The following NCOA2 variants were observed in gnomAD, a reference collection of about 807,000 sequenced individuals.
NCOA2 encodes the protein nuclear receptor coactivator 2, also known as class E basic helix-loop-helix protein 75.
In NCOA2, 21 loss-of-function variants were observed where a neutral mutation model predicts 145.1. The observed-to-expected ratio is 0.14, with a 90% confidence interval of 0.10 to 0.21. NCOA2 has a LOEUF of 0.21. Among genes scored for constraint, NCOA2 ranks in the 10% least tolerant of loss-of-function variants. The probability of loss-of-function intolerance (pLI) is 1.00; values close to 1 mark genes in which losing one functional copy is unlikely to be tolerated. For missense variants in NCOA2, 1,472 were observed against 1,837.6 expected, an observed-to-expected ratio of 0.80 and a Z score of 3.64; for synonymous variants, 619 against 637.5, an observed-to-expected ratio of 0.97 and a Z score of 0.44.
chr8:70,352,914 T>C (rs1809366812), intron 1 of NCOA2, among the ~76,000 whole-genome samples: 2 of 152,122 alleles, frequency 1.3e-5, no homozygotes, highest in Non-Finnish European at 2.9e-5. Flanking sequence ...TGGCAGCAGA[T>C]AACACCCATA....
At chr8:70,240,386 G>A (rs1822021032) in intron 2 of NCOA2, among the ~76,000 whole-genome samples, 1 of 152,132 alleles carries the variant, frequency 6.6e-6, no homozygotes, top group Admixed American at 6.5e-5. Flanking sequence ...ATTATTATCT[G>A]AAACACTTGG....
chr8:70,207,259 G>A (rs977897918), intron 4 of NCOA2, among the ~76,000 whole-genome samples: 3 of 152,164 alleles, frequency 2.0e-5, no homozygotes, highest in Admixed American at 6.5e-5. Context: ...AAGAAAACAA[G>A]GGATGTCTAC....
intron 2 of NCOA2, among the ~76,000 whole-genome samples, chr8:70,272,438 T>C (rs1825122312): frequency 6.6e-6 from 1 of 152,244 alleles, no homozygotes; most frequent in Admixed American, 6.5e-5. Context: ...AATTCTTCTG[T>C]GTCATGTTTC....
At chr8:70,261,787 T>C (rs978345213) in intron 2 of NCOA2, among the ~76,000 whole-genome samples, 1 of 152,042 alleles carries the variant, frequency 6.6e-6, no homozygotes, top group Non-Finnish European at 1.5e-5. Flanking sequence ...TAGGTGATAG[T>C]AAAGATAAAA....
chr8:70,215,412 A>G (rs1324671523), intron 3 of NCOA2, among the ~76,000 whole-genome samples: 1 of 152,172 alleles, frequency 6.6e-6, no homozygotes, highest in African/African-American at 2.4e-5. Flanking sequence ...AGGGCTCCTG[A>G]CTATTAAAGG....
intron 4 of NCOA2, among the ~76,000 whole-genome samples, chr8:70,203,261 C>CA (rs34990647): frequency 0.096 from 11,714 of 121,922 alleles, 857 homozygotes; most frequent in Middle Eastern, 0.15. Flanking sequence ...GACTCTGTCT[C>CA]AAAAAAAAAA....
intron 22 of NCOA2, among the ~76,000 whole-genome samples, chr8:70,114,793 A>T (rs1806899276): frequency 6.6e-6 from 1 of 152,244 alleles, no homozygotes; most frequent in South Asian, 2.1e-4. Flanking sequence ...AAGTAAGATT[A>T]GAGAGGAAGC....
In NCOA2 at chr8:70,128,799, C is replaced by T. The variant is rs757059586; in HGVS notation, c.3506G>A (p.Arg1169His). 6.8e-6 allele frequency: 11 copies of T among 1,613,914 alleles called. No homozygotes were observed. The highest frequency in any genetic ancestry group is 6.7e-5 in the Admixed American group (4 of 60,002). The change falls in exon 17 of 23, where the codon CGT becomes CAT. Residue 1169 changes from arginine to histidine, a missense_variant. Arg to His is a conservative substitution (Grantham distance 29). Transcript: ENST00000452400. ...CCTGAGGCCCGGTCTGGGCTGCATA[C>T]GGAGTGTGGCATAACTAGGCCGCTG... ...MGQRPSYATLRMQPRPGLRPT... is the reference protein window; with the variant it reads ...MGQRPSYATLHMQPRPGLRPT...
At position 70,141,327 on chromosome 8, in the gene NCOA2, C is replaced by T; in HGVS notation, c.2885G>A (p.Arg962Lys). Residue 962 changes from arginine (R) to lysine (K), a missense_variant, in exon 14 of 23, where the codon AGA becomes AAA. Around this residue, in one of 4 missense-constraint regions of NCOA2, gnomAD observed 953 missense variants for 1,062.1 expected, o/e 0.90. Transcript: ENST00000452400. ...GEWAPQSSAV[R>K]VTCAATTSAM... is the part of the protein sequence containing the mutation. ...ACTGGTGGTAGCAGCACAGGTGACT[C>T]TCACAGCCGAACTCTGCGGTGCCCA... 1 of 1,613,952 alleles carries T rather than the reference C, an allele frequency of 6.2e-7. No homozygotes were observed. Among genetic ancestry groups the T allele is most frequent in the Non-Finnish European group, 8.5e-7 (1 of 1,179,884 alleles).
intron 1 of NCOA2, among the ~76,000 whole-genome samples, chr8:70,307,460 T>A (rs887559565): frequency 6.6e-6 from 1 of 152,172 alleles, no homozygotes; most frequent in Non-Finnish European, 1.5e-5. Flanking sequence ...TAAATGTCCA[T>A]AAAACATCCA....
chr8:70,188,203 T>C (rs952980369), intron 4 of NCOA2, among the ~76,000 whole-genome samples: 14 of 152,252 alleles, frequency 9.2e-5, no homozygotes, highest in Non-Finnish European at 1.9e-4. Flanking sequence ...TCAAATAAAC[T>C]GAATACTGTC....
the NCOA2 span, among the ~76,000 whole-genome samples, chr8:70,429,398 C>T: frequency 6.6e-6 from 1 of 152,228 alleles, no homozygotes; most frequent in Non-Finnish European, 1.5e-5. Context: ...TACAATAAAG[C>T]AGGAGTGCTG....
the NCOA2 span, among the ~76,000 whole-genome samples, chr8:70,453,131 G>A: frequency 5.8e-4 from 89 of 152,304 alleles, no homozygotes; most frequent in African/African-American, 2.1e-3. Flanking sequence ...GAGCCTATTC[G>A]CCTAATGTTA....
the NCOA2 span, among the ~76,000 whole-genome samples, chr8:70,414,834 T>C: frequency 6.6e-6 from 1 of 152,204 alleles, no homozygotes; most frequent in Non-Finnish European, 1.5e-5. Context: ...AAAAAGCCTT[T>C]TGACACAACT....
intron 2 of NCOA2, among the ~76,000 whole-genome samples, chr8:70,258,205 C>T (rs565785966): frequency 2.4e-4 from 37 of 152,256 alleles, no homozygotes; most frequent in Admixed American, 5.2e-4. Flanking sequence ...GTGTGAACCA[C>T]CTGTAATGCC....
At chr8:70,287,266 T>C (rs998892383) in intron 2 of NCOA2, among the ~76,000 whole-genome samples, 2 of 152,130 alleles carry the variant, frequency 1.3e-5, no homozygotes, top group Admixed American at 1.3e-4. Flanking sequence ...AATTAATTAA[T>C]TAATTAATTA....
At chr8:70,214,381 G>A (rs1325242882) in intron 3 of NCOA2, among the ~76,000 whole-genome samples, 1 of 152,012 alleles carries the variant, frequency 6.6e-6, no homozygotes, top group Non-Finnish European at 1.5e-5. Flanking sequence ...TGAAACAAGT[G>A]GGCACCAAAT....
At position 70,218,193 on chromosome 8, in the gene NCOA2, G is replaced by T. The variant is rs199527811; in HGVS notation, c.-19-1429C>A. Among the ~76,000 whole-genome samples, 469 of 127,152 alleles carry T rather than the reference G, an allele frequency of 3.7e-3. 3 individuals carry two copies. Among genetic ancestry groups the T allele is most frequent in the African/African-American group, 0.014 (437 of 31,238 alleles). The allele number at this position is 127,152 out of a possible 152,430, so 83.4% of individuals were successfully genotyped here. On this transcript the variant is annotated intron_variant, in intron 2 of 22. Transcript: ENST00000452400. ...CCACTTCTGATACAATAGCGCAGTG[G>T]AGTTAGTTTTTTTTTTTTTTTTTTT...
At chr8:70,165,711 T>A (rs898712724) in intron 7 of NCOA2, among the ~76,000 whole-genome samples, 1 of 152,176 alleles carries the variant, frequency 6.6e-6, no homozygotes, top group East Asian at 1.9e-4. Context: ...ATCCTCTCTT[T>A]AGTACCATTG....
Sources: allele counts gnomAD v4.1 joint callset (sites outside exome capture counted in the v4.1 genomes callset), GRCh38; gene constraint gnomAD v4.1.1; regional missense constraint gnomAD v4.1.1; transcripts MANE v1.5; gene names NCBI Gene and HGNC (gene_info 2026-07-23, HGNC 2026-07-21).